IFTAP: variants seen among roughly 807,000 people sequenced by gnomAD.
IFTAP encodes intraflagellar transport associated protein.
Under a neutral mutation model 19.4 loss-of-function variants are expected in IFTAP, and 19 were observed. The ratio of observed to expected loss-of-function variants is 0.98; its 90% confidence interval spans 0.68 to 1.44. The LOEUF is 1.44. Ranked by LOEUF, IFTAP falls within the 40% of genes most tolerant of loss-of-function variation. The probability of loss-of-function intolerance (pLI) is 0.00; values close to 1 mark genes in which losing one functional copy is unlikely to be tolerated. For synonymous variants in IFTAP, 85 were observed against 83.5 expected (o/e 1.02, Z -0.10); for missense variants, 240 against 253.6 (o/e 0.95, Z 0.36).
rs77499397 is a variant in IFTAP at position 36,616,007 on chromosome 11, T to G, written c.136+5768T>G. Among the ~76,000 whole-genome samples, 837 of 152,126 alleles carry G rather than the reference T, an allele frequency of 5.5e-3. 11 individuals carry two copies. The highest frequency in any genetic ancestry group is 0.034 in the Admixed American group (516 of 15,250). On this transcript the variant is annotated intron_variant, in intron 2 of 5. Transcript: ENST00000334307. ...CATTTGCTCCTACCTTTTAGAGTGG[T>G]AATTACTGCTCATGTTGCTGTCACA...
At chr11:36,619,414 A>G (rs1012584355) in intron 2 of IFTAP, among the ~76,000 whole-genome samples, 3 of 152,018 alleles carry the variant, frequency 2.0e-5, no homozygotes, top group African/African-American at 7.2e-5. Flanking sequence ...GCTTTTCCCA[A>G]TCTGAAGAAT....
At chr11:36,617,587 G>T (rs1228271205) in intron 2 of IFTAP, among the ~76,000 whole-genome samples, 5 of 151,964 alleles carry the variant, frequency 3.3e-5, no homozygotes, top group Non-Finnish European at 1.5e-5. Flanking sequence ...CTGTTAAAAA[G>T]CAGGACTGTC....
chr11:36,602,422 T>C (rs1377725008), intron 1 of IFTAP, among the ~76,000 whole-genome samples: 1 of 152,072 alleles, frequency 6.6e-6, no homozygotes, highest in African/African-American at 2.4e-5. Context: ...TAATTAAGAG[T>C]GGATGCCTTT....
At chr11:36,607,155 G>C (rs1851723315) in intron 1 of IFTAP, among the ~76,000 whole-genome samples, 1 of 152,140 alleles carries the variant, frequency 6.6e-6, no homozygotes, top group Admixed American at 6.5e-5. Flanking sequence ...TTTATCTTTA[G>C]GTAACATCGC....
At chr11:36,618,563 T>C (rs1329648463) in intron 2 of IFTAP, among the ~76,000 whole-genome samples, 1 of 151,650 alleles carries the variant, frequency 6.6e-6, no homozygotes, top group Non-Finnish European at 1.5e-5. Flanking sequence ...GATGCTTAAA[T>C]ATTGGTTGAA....
chr11:36,635,851 T>C (rs1043774618), intron 3 of IFTAP, among the ~76,000 whole-genome samples, 200 bp from the exon 4 acceptor site: 2 of 152,200 alleles, frequency 1.3e-5, no homozygotes, highest in African/African-American at 2.4e-5. Flanking sequence ...CCAGGCCAGC[T>C]TTCAAATTTA....
At chr11:36,598,854 G>A (rs1020438001) in intron 1 of IFTAP, among the ~76,000 whole-genome samples, 5 of 152,128 alleles carry the variant, frequency 3.3e-5, no homozygotes, top group Non-Finnish European at 5.9e-5. Flanking sequence ...CTCTGTCTCT[G>A]AAATGAGGAT....
intron 2 of IFTAP, among the ~76,000 whole-genome samples, chr11:36,617,158 C>T (rs7944879): frequency 0.11 from 16,943 of 148,904 alleles, 1,141 homozygotes; most frequent in African/African-American, 0.17. Flanking sequence ...TAAAATATAT[C>T]ATTAAAAATG....
intron 5 of IFTAP, among the ~76,000 whole-genome samples, chr11:36,657,147 T>G (rs1590241832): frequency 6.6e-6 from 1 of 152,306 alleles, no homozygotes; most frequent in East Asian, 1.9e-4. Context: ...TGGAAACAGG[T>G]TCTCCTCCTT....
intron 1 of IFTAP, among the ~76,000 whole-genome samples, chr11:36,596,961 A>G (rs897983651): frequency 6.6e-6 from 1 of 152,166 alleles, no homozygotes; most frequent in Non-Finnish European, 1.5e-5. Context: ...TTTTTGAAAC[A>G]GGGCTTTTGA....
At chr11:36,636,008 T>C in intron 3 of IFTAP, 43 bp from the exon 4 acceptor site, 2 of 1,368,832 alleles carry the variant, frequency 1.5e-6, no homozygotes, top group South Asian at 2.4e-5. Flanking sequence ...AGTTTTTCTT[T>C]AGGTCTATTC....
At chr11:36,644,391 A>G (rs1322368691) in intron 4 of IFTAP, among the ~76,000 whole-genome samples, 1 of 152,320 alleles carries the variant, frequency 6.6e-6, no homozygotes, top group African/African-American at 2.4e-5. Flanking sequence ...ACACTTTTAC[A>G]CTGTTGGTGG....
chr11:36,650,199 G>A (rs1853655507), intron 5 of IFTAP, among the ~76,000 whole-genome samples: 1 of 152,070 alleles, frequency 6.6e-6, no homozygotes, highest in South Asian at 2.1e-4. Flanking sequence ...GTCCTGAAGG[G>A]CTTACTGAAA....
chr11:36,595,935 G>A (rs186939051), intron 1 of IFTAP, among the ~76,000 whole-genome samples: 2 of 152,264 alleles, frequency 1.3e-5, no homozygotes, highest in African/African-American at 4.8e-5. Context: ...TATATGATGA[G>A]GGTGCTGGTA....
At chr11:36,651,093 A>G (rs1213532110) in intron 5 of IFTAP, among the ~76,000 whole-genome samples, 1 of 152,196 alleles carries the variant, frequency 6.6e-6, no homozygotes, top group East Asian at 1.9e-4. Context: ...GCTGGGTCAA[A>G]TGGTATTTCT....
chr11:36,615,755 T>C (rs947822007), intron 2 of IFTAP, among the ~76,000 whole-genome samples: 7 of 147,118 alleles, frequency 4.8e-5, no homozygotes, highest in South Asian at 2.3e-4. Flanking sequence ...GTGATTTTTG[T>C]ACATTGATTT....
chr11:36,621,966 G>A (rs1209011144), intron 2 of IFTAP, among the ~76,000 whole-genome samples: 1 of 151,870 alleles, frequency 6.6e-6, no homozygotes, highest in Non-Finnish European at 1.5e-5. Flanking sequence ...ATTGGTTTTG[G>A]GGTCTCAGTT....
At chr11:36,638,508 A>T (rs746405343) in intron 4 of IFTAP, among the ~76,000 whole-genome samples, 13 of 152,218 alleles carry the variant, frequency 8.5e-5, no homozygotes, top group South Asian at 4.1e-4. Flanking sequence ...TGAAAAGGCC[A>T]CCAGGGCTTT....
chr11:36,655,074 G>A (rs1853918001), intron 5 of IFTAP, among the ~76,000 whole-genome samples: 1 of 152,046 alleles, frequency 6.6e-6, no homozygotes, highest in Non-Finnish European at 1.5e-5. Flanking sequence ...ATGACCAAAT[G>A]TTTTCCCTGC....
Sources: gnomAD v4.1 joint callset for allele counts (sites outside exome capture counted in the v4.1 genomes callset) on GRCh38, gnomAD v4.1.1 for gene constraint, MANE v1.5 for transcripts, NCBI Gene and HGNC (gene_info 2026-07-23, HGNC 2026-07-21) for gene names.